Variants in ST8SIA6 observed in about 807,000 individuals in gnomAD.
ST8SIA6 encodes ST8 alpha-N-acetyl-neuraminide alpha-2,8-sialyltransferase 6.
Under a neutral mutation model 33.6 loss-of-function variants are expected in ST8SIA6, and 39 were observed. That is an observed-to-expected ratio of 1.16 (90% CI 0.90 to 1.52). ST8SIA6 has a LOEUF of 1.52. Among genes scored for constraint, ST8SIA6 ranks in the 40% most tolerant of loss-of-function variants. ST8SIA6 has a pLI of 0.00. For missense variants in ST8SIA6, 441 were observed against 443.8 expected, an observed-to-expected ratio of 0.99 and a Z score of 0.06; for synonymous variants, 172 against 167.2, an observed-to-expected ratio of 1.03 and a Z score of -0.22.
At chr10:17,360,897 C>T (rs10904937) in intron 3 of ST8SIA6, among the ~76,000 whole-genome samples, 28,162 of 134,740 alleles carry the variant, frequency 0.21, 2,973 homozygotes, top group East Asian at 0.51. Context: ...AAGAAGATGA[C>T]GAAGAAGAAG....
rs1370987215 is a variant in ST8SIA6 at position 17,454,100 on chromosome 10, G to C, written c.101+55C>G. Reference sequence around the variant, plus strand: ...AAGCGATGGGCGGCTTGGGGGTCCGGGGGCGCCAGGCGGGGCGCGCGGCGC... The same window carrying C: ...AAGCGATGGGCGGCTTGGGGGTCCGCGGGCGCCAGGCGGGGCGCGCGGCGC... On this transcript the variant is annotated intron_variant, in intron 1 of 7. Coordinates refer to ENST00000377602, the MANE Select transcript of ST8SIA6 (RefSeq NM_001004470.3). The surrounding 1 kb of genome is among the most constrained non-coding windows in gnomAD (Gnocchi z 4.1). 7.8e-6 allele frequency: 2 copies of C among 255,120 alleles called. No homozygotes were observed. Among genetic ancestry groups the C allele is most frequent in the Non-Finnish European group, 1.5e-5 (2 of 135,728 alleles). 15.8% of individuals were successfully genotyped at this position (255,120 alleles called of 1,614,324 possible). A position where few individuals can be genotyped will look rare whatever the true frequency, so the allele number is the denominator to read the frequency against.
At chr10:17,451,762 A>G (rs1431363835) in intron 2 of ST8SIA6, among the ~76,000 whole-genome samples, 1 of 152,208 alleles carries the variant, frequency 6.6e-6, no homozygotes, top group Non-Finnish European at 1.5e-5. Context: ...TGGTGGATTA[A>G]AACTTGCACC....
chr10:17,340,616 T>C (rs941914640), intron 4 of ST8SIA6, among the ~76,000 whole-genome samples: 2 of 152,200 alleles, frequency 1.3e-5, no homozygotes, highest in African/African-American at 2.4e-5. Context: ...CACCCTTCTA[T>C]AGAAGTAAAA....
chr10:17,339,709 C>T (rs565635675), intron 4 of ST8SIA6, among the ~76,000 whole-genome samples: 1 of 151,778 alleles, frequency 6.6e-6, no homozygotes, highest in African/African-American at 2.4e-5. Context: ...ATTCTCACTG[C>T]ATGCTAAATA....
At chr10:17,410,594 T>C (rs1044032406) in intron 2 of ST8SIA6, 7 of 152,196 alleles carry the variant, frequency 4.6e-5, no homozygotes, top group African/African-American at 1.7e-4. Flanking sequence ...CCTCATCTAT[T>C]AGTAGCCTCC....
chr10:17,327,177 C>T (rs1354372796), intron 5 of ST8SIA6, 51 bp from the exon 6 acceptor site: 1 of 1,353,228 alleles, frequency 7.4e-7, no homozygotes, highest in East Asian at 2.4e-5. Context: ...ATTTTAGAAC[C>T]ATAGACAACA....
rs746735353 is a variant in ST8SIA6 at position 17,390,569 on chromosome 10, C to T, written c.252G>A (p.Leu84=). 49 of 1,613,888 alleles carry T rather than the reference C, an allele frequency of 3.0e-5. No homozygotes were observed. Among genetic ancestry groups the T allele is most frequent in the Non-Finnish European group, 4.0e-5 (47 of 1,179,944 alleles). Residue 84 remains leucine (L), a synonymous_variant, in exon 3 of 8, where the codon CTG becomes CTA. Transcript: ENST00000377602. ...TAGAGAAAGACTCAATGCCATATTG[C>T]AGATTTTTGCATTTCTCCGTCAGTT... ...SLQLTEKCKN[L]QYGIESFSNK... is the part of the protein sequence containing the mutation.
intron 2 of ST8SIA6, among the ~76,000 whole-genome samples, chr10:17,420,249 A>G (rs1420711974): frequency 6.6e-6 from 1 of 152,050 alleles, no homozygotes; most frequent in Non-Finnish European, 1.5e-5. Flanking sequence ...CGTCTCTACT[A>G]AAAATACAAA....
At chr10:17,351,092 T>A (rs113998135) in intron 4 of ST8SIA6, among the ~76,000 whole-genome samples, 303 of 152,204 alleles carry the variant, frequency 2.0e-3, no homozygotes, top group African/African-American at 7.1e-3. Context: ...CTGCTGAGTG[T>A]TCCCTGCCCC....
At position 17,328,218 on chromosome 10, in the gene ST8SIA6, C is replaced by T. The variant is rs1326111990; in HGVS notation, c.523-1092G>A. Among the ~76,000 whole-genome samples the T allele has an allele frequency of 3.3e-5, 5 of 152,160 alleles. No homozygotes were observed. The East Asian group carries it at 9.6e-4, about 29-fold the overall frequency. ...GATTTAGCAAAAATTTCCTGTGCTT[C>T]TTAAATAGTTAGACCTTCAGGCTCA... is the stretch of plus-strand genomic sequence containing the variant. On this transcript the variant is annotated intron_variant, in intron 5 of 7. Coordinates refer to ENST00000377602, the MANE Select transcript of ST8SIA6 (RefSeq NM_001004470.3).
At chr10:17,424,762 G>C (rs1245965742) in intron 2 of ST8SIA6, among the ~76,000 whole-genome samples, 1 of 143,592 alleles carries the variant, frequency 7.0e-6, no homozygotes, top group Non-Finnish European at 1.5e-5. Flanking sequence ...TTTTGAAACA[G>C]AGTCTCGGTC....
chr10:17,386,871 C>T (rs939706257), intron 3 of ST8SIA6: 5 of 152,502 alleles, frequency 3.3e-5, no homozygotes, highest in East Asian at 1.9e-4. Context: ...GCTCTCTCCC[C>T]GCTTCTGCTA....
chr10:17,444,796 A>C (rs1478942790), intron 2 of ST8SIA6, among the ~76,000 whole-genome samples: 1 of 152,240 alleles, frequency 6.6e-6, no homozygotes, highest in Admixed American at 6.5e-5. Context: ...TCACATCAGA[A>C]CAGAGATGGG....
chr10:17,346,038 G>A (rs966462290), intron 4 of ST8SIA6, among the ~76,000 whole-genome samples: 3 of 152,192 alleles, frequency 2.0e-5, no homozygotes, highest in Non-Finnish European at 4.4e-5. Context: ...AAGTGTTGTG[G>A]CTTCTGCCTG....
chr10:17,400,324 G>A (rs1051884496), intron 2 of ST8SIA6, among the ~76,000 whole-genome samples: 2 of 152,140 alleles, frequency 1.3e-5, no homozygotes, highest in Admixed American at 1.3e-4. Flanking sequence ...CCTAAGGTCA[G>A]AGTTCGAGAC....
intron 5 of ST8SIA6, among the ~76,000 whole-genome samples, 178 bp downstream of exon 5, chr10:17,331,230 C>T (rs987029289): frequency 6.6e-6 from 1 of 152,216 alleles, no homozygotes; most frequent in Non-Finnish European, 1.5e-5. Context: ...TCCTTCCCTA[C>T]AGAGCCACAC....
chr10:17,366,957 C>T (rs1465925319), intron 3 of ST8SIA6, among the ~76,000 whole-genome samples: 3 of 152,168 alleles, frequency 2.0e-5, no homozygotes, highest in African/African-American at 2.4e-5. Flanking sequence ...AGAAAAAGCA[C>T]AGATGGTAGA....
chr10:17,341,214 A>C (rs142697682), intron 4 of ST8SIA6, among the ~76,000 whole-genome samples: 360 of 152,144 alleles, frequency 2.4e-3, no homozygotes, highest in African/African-American at 6.9e-3. Context: ...GATACATACA[A>C]CTCTATAATG....
Position 17,319,285 on chromosome 10 carries a change from T to C in ST8SIA6, c.*1593A>G, listed in dbSNP as rs888791494. Among the ~76,000 whole-genome samples the C allele has an allele frequency of 1.3e-5, 2 of 152,164 alleles. No individual in the cohort carries two copies. Among genetic ancestry groups the C allele is most frequent in the African/African-American group, 4.8e-5 (2 of 41,446 alleles). The stretch of plus-strand genomic sequence containing the variant: ...CCAAGATCAAAATAAAAAGAAAAAC[T>C]ATGAACACTATTTTGCAGATTTGTA... On this transcript the variant is annotated 3_prime_UTR_variant, in exon 8 of 8. Transcript: ENST00000377602.
Sources: gnomAD v4.1 joint callset for allele counts (sites outside exome capture counted in the v4.1 genomes callset) on GRCh38, gnomAD v4.1.1 for gene constraint, Gnocchi (gnomAD v3.1) non-coding constraint, MANE v1.5 for transcripts, NCBI Gene and HGNC (gene_info 2026-07-23, HGNC 2026-07-21) for gene names.